TMEM132C: variants seen among roughly 807,000 people sequenced by gnomAD.
The protein encoded by TMEM132C is transmembrane protein 132C.
In TMEM132C, 29 loss-of-function variants were observed where a neutral mutation model predicts 61.4. The ratio of observed to expected loss-of-function variants is 0.47; its 90% confidence interval spans 0.35 to 0.64. TMEM132C has a LOEUF of 0.64. TMEM132C is among the 30% of genes least tolerant of loss of function. The probability of loss-of-function intolerance (pLI) is 0.00; values close to 1 mark genes in which losing one functional copy is unlikely to be tolerated. For missense variants in TMEM132C, 1,408 were observed against 1,476.9 expected (o/e 0.95, Z 0.76); for synonymous variants, 656 against 633.1 (o/e 1.04, Z -0.54).
At chr12:128,662,847 C>A (rs1954406009) in intron 4 of TMEM132C, among the ~76,000 whole-genome samples, 1 of 152,078 alleles carries the variant, frequency 6.6e-6, no homozygotes, top group Non-Finnish European at 1.5e-5. Flanking sequence ...TTAAGCTCAC[C>A]CTTTCTCCAG....
At chr12:128,524,004 C>T (rs1436999983) in intron 2 of TMEM132C, among the ~76,000 whole-genome samples, 9 of 97,728 alleles carry the variant, frequency 9.2e-5, no homozygotes, top group South Asian at 4.4e-4. Flanking sequence ...CAGAGCAAGA[C>T]GCCATCTCAA....
At chr12:128,656,733 T>C (rs917385796) in intron 4 of TMEM132C, among the ~76,000 whole-genome samples, 6 of 152,210 alleles carry the variant, frequency 3.9e-5, no homozygotes, top group African/African-American at 1.2e-4. Context: ...CCACTGTGTT[T>C]GAACCCAGTC....
chr12:128,583,703 G>A (rs1203647521), intron 3 of TMEM132C, among the ~76,000 whole-genome samples: 6 of 152,156 alleles, frequency 3.9e-5, no homozygotes, highest in Non-Finnish European at 5.9e-5. Context: ...GAGTATTCCC[G>A]AGCACCCCCA....
chr12:128,421,230 T>C (rs1318884585), intron 2 of TMEM132C, among the ~76,000 whole-genome samples: 1 of 152,180 alleles, frequency 6.6e-6, no homozygotes, highest in East Asian at 1.9e-4. Flanking sequence ...ATTGCAGAGA[T>C]ATGGAATCGA....
intron 1 of TMEM132C, among the ~76,000 whole-genome samples, chr12:128,333,916 TTTG>T (rs1872729590): frequency 6.6e-6 from 1 of 151,032 alleles, no homozygotes; most frequent in South Asian, 2.1e-4. Context: ...TGTGTGAGAG[TTTG>T]TTGTGTGTGT....
At chr12:128,436,680 G>C (rs532988244) in intron 2 of TMEM132C, among the ~76,000 whole-genome samples, 2 of 152,080 alleles carry the variant, frequency 1.3e-5, no homozygotes, top group Non-Finnish European at 2.9e-5. Context: ...AAATAGGAAC[G>C]CTTTTACACT....
chr12:128,655,154 A>C (rs1207745203), intron 4 of TMEM132C, among the ~76,000 whole-genome samples: 1 of 152,224 alleles, frequency 6.6e-6, no homozygotes, highest in Non-Finnish European at 1.5e-5. Context: ...CAGCGTGGTC[A>C]GGTAACGTGT....
chr12:128,506,105 G>A (rs1000185123), intron 2 of TMEM132C, among the ~76,000 whole-genome samples: 6 of 152,262 alleles, frequency 3.9e-5, no homozygotes, highest in Non-Finnish European at 5.9e-5. Flanking sequence ...AGCCCCACTC[G>A]TTCTGCAGGA....
chr12:128,512,950 A>G (rs139157577), intron 2 of TMEM132C, among the ~76,000 whole-genome samples: 1 of 152,354 alleles, frequency 6.6e-6, no homozygotes, highest in Non-Finnish European at 1.5e-5. Context: ...TGGAACATAG[A>G]TCTCAGCCAG....
intron 2 of TMEM132C, among the ~76,000 whole-genome samples, chr12:128,536,453 A>G (rs1873531267): frequency 6.6e-6 from 1 of 152,050 alleles, no homozygotes; most frequent in Non-Finnish European, 1.5e-5. Flanking sequence ...TGATGAGTTG[A>G]TGGGTGCAGC....
chr12:128,534,846 G>C (rs1873460936), intron 2 of TMEM132C, among the ~76,000 whole-genome samples: 1 of 152,218 alleles, frequency 6.6e-6, no homozygotes, highest in Admixed American at 6.5e-5. Flanking sequence ...ACCCCATCCA[G>C]AGGTGACACC....
intron 2 of TMEM132C, among the ~76,000 whole-genome samples, chr12:128,444,107 A>C (rs1869887798): frequency 6.6e-6 from 1 of 152,042 alleles, no homozygotes; most frequent in African/African-American, 2.4e-5. Context: ...TTTTTGTAGG[A>C]TAGGCCTTTG....
intron 3 of TMEM132C, among the ~76,000 whole-genome samples, chr12:128,584,684 T>C (rs1875474150): frequency 6.6e-6 from 1 of 152,248 alleles, no homozygotes; most frequent in African/African-American, 2.4e-5. Flanking sequence ...CACTGATCCA[T>C]GTGGCACCCA....
intron 2 of TMEM132C, among the ~76,000 whole-genome samples, chr12:128,505,825 G>A (rs1249064359): frequency 6.6e-6 from 1 of 152,124 alleles, no homozygotes; most frequent in Non-Finnish European, 1.5e-5. Context: ...CTCAGGGCTT[G>A]GCCTCCCTCC....
intron 1 of TMEM132C, among the ~76,000 whole-genome samples, chr12:128,295,683 G>A (rs1871388871): frequency 6.7e-6 from 1 of 148,258 alleles, no homozygotes; most frequent in Admixed American, 6.7e-5. Flanking sequence ...GGTACAACCT[G>A]AAGAAAGAAG....
chr12:128,520,232 A>C (rs1348351987), intron 2 of TMEM132C, among the ~76,000 whole-genome samples: 4 of 152,216 alleles, frequency 2.6e-5, no homozygotes, highest in African/African-American at 2.4e-5. Flanking sequence ...TCAGCAGTCC[A>C]CGTATCACCC....
intron 1 of TMEM132C, among the ~76,000 whole-genome samples, chr12:128,382,040 CTT>C (rs113830900): frequency 9.9e-5 from 14 of 140,942 alleles, no homozygotes; most frequent in Admixed American, 1.4e-4. Context: ...TTGTTATTCG[CTT>C]TTTTTTTTTT....
intron 4 of TMEM132C, among the ~76,000 whole-genome samples, chr12:128,654,445 A>C (rs1326044093): frequency 1.3e-5 from 2 of 152,208 alleles, no homozygotes; most frequent in African/African-American, 4.8e-5. Flanking sequence ...CAGTGAGAGA[A>C]TAAATTTCAG....
intron 2 of TMEM132C, among the ~76,000 whole-genome samples, chr12:128,513,943 A>T (rs919501419): frequency 6.6e-6 from 1 of 152,192 alleles, no homozygotes; most frequent in Non-Finnish European, 1.5e-5. Flanking sequence ...TGAACCTGCA[A>T]CAAGACAGAC....
Sources: gnomAD v4.1 joint callset for allele counts (sites outside exome capture counted in the v4.1 genomes callset) on GRCh38, gnomAD v4.1.1 for gene constraint, MANE v1.5 for transcripts, NCBI Gene and HGNC (gene_info 2026-07-23, HGNC 2026-07-21) for gene names.